SPAG16: variants seen among roughly 807,000 people sequenced by gnomAD.
The protein encoded by SPAG16 is sperm associated antigen 16, also known as sperm-associated antigen 16 protein.
Under a neutral mutation model 80.4 loss-of-function variants are expected in SPAG16, and 86 were observed. That is an observed-to-expected ratio of 1.07 (90% CI 0.90 to 1.28). SPAG16 has a LOEUF of 1.28. SPAG16 is among the 50% of genes most tolerant of loss of function. The probability of loss-of-function intolerance (pLI) is 0.00; values close to 1 mark genes in which losing one functional copy is unlikely to be tolerated. For synonymous variants in SPAG16, 294 were observed against 265.9 expected (o/e 1.11, Z -1.03); for missense variants, 870 against 765.3 (o/e 1.14, Z -1.61).
intron 10 of SPAG16, among the ~76,000 whole-genome samples, chr2:213,833,070 C>A (rs114510500): frequency 3.3e-5 from 5 of 151,980 alleles, no homozygotes; most frequent in Admixed American, 1.3e-4. Context: ...TTTTTCATAT[C>A]GCTGTGTTCT....
chr2:214,013,863 A>G (rs895956032), intron 12 of SPAG16, 88 bp from the exon 13 acceptor site: 1 of 1,323,090 alleles, frequency 7.6e-7, no homozygotes, highest in South Asian at 1.9e-5. Context: ...AAATTATTTC[A>G]TGCCTCAGTT....
At chr2:214,331,046 T>A (rs6714219) in intron 15 of SPAG16, among the ~76,000 whole-genome samples, 43,866 of 152,060 alleles carry the variant, frequency 0.29, 9,223 homozygotes, top group African/African-American at 0.59. Context: ...CTTCTTAACT[T>A]TCATTCTGTA....
chr2:214,284,438 T>C (rs1199546496), intron 15 of SPAG16, among the ~76,000 whole-genome samples: 1 of 152,252 alleles, frequency 6.6e-6, no homozygotes, highest in Non-Finnish European at 1.5e-5. Context: ...TGATTCTAAC[T>C]ACTTGGTTGA....
chr2:214,041,488 A>T (rs2049006315), intron 13 of SPAG16, among the ~76,000 whole-genome samples: 1 of 150,100 alleles, frequency 6.7e-6, no homozygotes, highest in African/African-American at 2.4e-5. Context: ...AAAATGTCCT[A>T]TGTAGTCAGT....
intron 9 of SPAG16, among the ~76,000 whole-genome samples, chr2:213,450,131 ACTGT>A (rs1355731725): frequency 6.6e-6 from 1 of 152,056 alleles, no homozygotes; most frequent in Non-Finnish European, 1.5e-5. Context: ...ATGGTGAAAC[ACTGT>A]CTGTACTAAA....
At chr2:213,358,712 T>C (rs1466725268) in intron 7 of SPAG16, among the ~76,000 whole-genome samples, 1 of 152,168 alleles carries the variant, frequency 6.6e-6, no homozygotes, top group Non-Finnish European at 1.5e-5. Flanking sequence ...CACGCTCCTT[T>C]AGCTTGGAGA....
chr2:214,015,036 T>C (rs1445287338), intron 13 of SPAG16, among the ~76,000 whole-genome samples: 1 of 152,128 alleles, frequency 6.6e-6, no homozygotes, highest in African/African-American at 2.4e-5. Context: ...GTCATGACTA[T>C]TTATGAAAGG....
intron 9 of SPAG16, among the ~76,000 whole-genome samples, chr2:213,399,195 T>C (rs114571588): frequency 0.013 from 1,992 of 152,224 alleles, 22 homozygotes; most frequent in South Asian, 0.038. Context: ...GGTTATACTA[T>C]TTGTGATTTT....
At chr2:214,028,726 T>C (rs2048260405) in intron 13 of SPAG16, among the ~76,000 whole-genome samples, 1 of 152,058 alleles carries the variant, frequency 6.6e-6, no homozygotes, top group Non-Finnish European at 1.5e-5. Context: ...TACTATTTAC[T>C]ATAGTATCTG....
At chr2:213,790,119 G>T (rs1166076707) in intron 10 of SPAG16, among the ~76,000 whole-genome samples, 1 of 151,760 alleles carries the variant, frequency 6.6e-6, no homozygotes, top group Non-Finnish European at 1.5e-5. Context: ...CCCCAGTGGA[G>T]TACCTTTGTT....
chr2:213,812,285 A>G (rs1270470574), intron 10 of SPAG16, among the ~76,000 whole-genome samples: 1 of 152,206 alleles, frequency 6.6e-6, no homozygotes, highest in East Asian at 1.9e-4. Flanking sequence ...ACTCAGGAGT[A>G]GAGCAAAGTT....
At chr2:213,343,471 A>G (rs1313306490) in intron 6 of SPAG16, among the ~76,000 whole-genome samples, 1 of 152,184 alleles carries the variant, frequency 6.6e-6, no homozygotes, top group Admixed American at 6.6e-5. Flanking sequence ...AATAAAGTTT[A>G]TACGTATTGA....
intron 15 of SPAG16, among the ~76,000 whole-genome samples, chr2:214,308,838 C>T (rs1695099794): frequency 6.6e-6 from 1 of 151,790 alleles, no homozygotes; most frequent in Non-Finnish European, 1.5e-5. Context: ...TTATTTTGAC[C>T]TTGGAGCATA....
intron 14 of SPAG16, among the ~76,000 whole-genome samples, chr2:214,112,945 T>TAC (rs1384614039): frequency 2.0e-5 from 3 of 152,238 alleles, no homozygotes; most frequent in Admixed American, 6.5e-5. Flanking sequence ...GGCATGTTTT[T>TAC]ACAGTGGCTG....
At chr2:213,991,498 C>T (rs988560129) in intron 12 of SPAG16, among the ~76,000 whole-genome samples, 5 of 152,084 alleles carry the variant, frequency 3.3e-5, no homozygotes, top group South Asian at 2.1e-4. Context: ...TATAAATCCA[C>T]TATTTTATGG....
At chr2:214,049,417 G>A (rs2049517376) in intron 13 of SPAG16, among the ~76,000 whole-genome samples, 2 of 151,964 alleles carry the variant, frequency 1.3e-5, no homozygotes, top group Non-Finnish European at 2.9e-5. Context: ...ATAATCTCTT[G>A]AGCTTTCTTT....
At chr2:214,115,342 T>A (rs1406043608) in intron 14 of SPAG16, among the ~76,000 whole-genome samples, 3 of 152,228 alleles carry the variant, frequency 2.0e-5, no homozygotes, top group African/African-American at 7.2e-5. Flanking sequence ...GGTACATATA[T>A]AGAAGGCAAA....
chr2:214,365,611 A>T (rs1699429825), intron 15 of SPAG16, among the ~76,000 whole-genome samples: 1 of 152,162 alleles, frequency 6.6e-6, no homozygotes, highest in Non-Finnish European at 1.5e-5. Context: ...CCCCAAATTG[A>T]TTAAAATTTT....
intron 11 of SPAG16, among the ~76,000 whole-genome samples, chr2:213,901,744 A>G (rs2077229520): frequency 6.6e-6 from 1 of 152,196 alleles, no homozygotes; most frequent in South Asian, 2.1e-4. Context: ...CTATTGGAAG[A>G]TACATACCCA....
Sources: allele counts gnomAD v4.1 joint callset (sites outside exome capture counted in the v4.1 genomes callset), GRCh38; gene constraint gnomAD v4.1.1; transcripts MANE v1.5; gene names NCBI Gene and HGNC (gene_info 2026-07-23, HGNC 2026-07-21).